The following RALGDS variants were observed in gnomAD, a reference collection of about 807,000 sequenced individuals.
RALGDS encodes the protein ral guanine nucleotide dissociation stimulator, also known as ral guanine nucleotide exchange factor.
A neutral mutation model predicts 99.8 loss-of-function variants in RALGDS; 44 were observed. The observed-to-expected ratio is 0.44, with a 90% CI of 0.35 to 0.57. The LOEUF (loss-of-function observed/expected upper bound fraction) is 0.57, where lower values mean the gene tolerates loss of function less well. Ranked by LOEUF, RALGDS falls within the 20% of genes least tolerant of loss-of-function variation. RALGDS has a pLI of 0.01. For synonymous variants in RALGDS, 529 were observed against 505.0 expected (o/e 1.05, Z -0.64); for missense variants, 1,022 against 1,203.1 (o/e 0.85, Z 2.23).
At chr9:133,147,869 C>A (rs936517099) in intron 1 of RALGDS, among the ~76,000 whole-genome samples, 2 of 152,222 alleles carry the variant, frequency 1.3e-5, no homozygotes, top group Admixed American at 1.3e-4. Context: ...TTGCTCCCCT[C>A]TTTCCCTCTG....
rs1408634248 is a variant in RALGDS at position 133,143,494 on chromosome 9, C to T, written c.18+5469G>A. ...CTCTTGCTGGATGCAGTGTCTCAAGCCTTTAATCCTAGCAGTTTGGGAGGC... is the reference window on the plus strand; with the variant it reads ...CTCTTGCTGGATGCAGTGTCTCAAGTCTTTAATCCTAGCAGTTTGGGAGGC... On this transcript the variant is annotated intron_variant, in intron 1 of 17. Transcript: ENST00000393160. Among the ~76,000 whole-genome samples, 3 of 152,228 alleles carry T rather than the reference C, an allele frequency of 2.0e-5. No individual in the cohort carries two copies. In the East Asian group the frequency reaches 5.8e-4, roughly 29 times the overall value.
intron 1 of RALGDS, chr9:133,129,200 C>T (rs111548200): frequency 4.4e-6 from 7 of 1,596,964 alleles, no homozygotes; most frequent in African/African-American, 2.7e-5. Flanking sequence ...GAGAGCGGCA[C>T]GACGGGCGAC....
chr9:133,107,426 C>T lies in RALGDS; in HGVS notation c.1198-126G>A, dbSNP rs552460682. 1.0e-3 allele frequency: 918 copies of T among 882,620 alleles called. 6 individuals are homozygous for T. Among genetic ancestry groups the T allele is most frequent in the South Asian group, 6.4e-3 (445 of 70,058 alleles). The allele number at this position is 882,620 out of a possible 1,614,324, so 54.7% of individuals were successfully genotyped here. ...TTTATCCCGTGTCCATGCAGGGTGC[C>T]CAGCACACAAGTGACCCGGGACAGA... On this transcript the variant is annotated intron_variant, in intron 6 of 17. Coordinates refer to ENST00000372050, the MANE Select transcript of RALGDS (RefSeq NM_006266.4).
intron 3 of RALGDS, 51 bp downstream of exon 3, chr9:133,110,245 G>T: frequency 6.5e-7 from 1 of 1,546,964 alleles, no homozygotes; most frequent in Non-Finnish European, 8.9e-7. Context: ...CCAGGTGGGG[G>T]TGGGGGCGAG....
chr9:133,117,389 G>C (rs138785791), intron 1 of RALGDS, among the ~76,000 whole-genome samples: 12 of 152,098 alleles, frequency 7.9e-5, no homozygotes, highest in Non-Finnish European at 1.3e-4. Context: ...CCTGCCCCTC[G>C]GTTGAGATGG....
At chr9:133,135,697 G>T (rs1832414769), upstream of RALGDS, among the ~76,000 whole-genome samples, 1 of 152,186 alleles carries the variant, frequency 6.6e-6, no homozygotes, top group African/African-American at 2.4e-5. Context: ...AGCCAGGCAG[G>T]TTCCTTTCCC....
At chr9:133,129,190 G>T (rs1164073629) in intron 1 of RALGDS, 1 of 1,597,226 alleles carries the variant, frequency 6.3e-7, no homozygotes, top group African/African-American at 1.3e-5. Flanking sequence ...TCGGGCTTTG[G>T]AGAGCGGCAC....
chr9:133,148,452 C>T (rs1012254027), intron 1 of RALGDS, among the ~76,000 whole-genome samples: 1 of 152,004 alleles, frequency 6.6e-6, no homozygotes, highest in Admixed American at 6.5e-5. Context: ...GTACTGGATG[C>T]CCCTGCCCGT....
At chr9:133,107,906 G>A (rs981411022) in intron 6 of RALGDS, 82 bp downstream of exon 6, 2 of 1,538,822 alleles carry the variant, frequency 1.3e-6, no homozygotes, top group Non-Finnish European at 8.9e-7. Context: ...CATCAGCTCT[G>A]GATCAGCAAA....
upstream of RALGDS, among the ~76,000 whole-genome samples, chr9:133,124,195 CAGAGACACAT>C (rs1453130359): frequency 6.7e-6 from 1 of 149,622 alleles, no homozygotes; most frequent in African/African-American, 2.5e-5. Flanking sequence ...CACAGACCCA[CAGAGACACAT>C]AGAGACAGAG....
upstream of RALGDS, among the ~76,000 whole-genome samples, chr9:133,135,981 C>G (rs567956155): frequency 6.6e-6 from 1 of 152,296 alleles, no homozygotes; most frequent in East Asian, 1.9e-4. Context: ...CATTTCTCTA[C>G]TGAAGGAGAT....
chr9:133,145,520 GTGGCAGCAGTGC>G (rs752051910), intron 1 of RALGDS, among the ~76,000 whole-genome samples: 17 of 152,204 alleles, frequency 1.1e-4, no homozygotes, highest in Non-Finnish European at 2.4e-4. Flanking sequence ...TAAAAATCAA[GTGGCAGCAGTGC>G]TGGGGGTTAA....
chr9:133,129,298 C>T (rs977463807), intron 1 of RALGDS: 1 of 1,590,892 alleles, frequency 6.3e-7, no homozygotes, highest in South Asian at 1.1e-5. Context: ...TGGCACAAAC[C>T]TGGCCTGCTT....
intron 1 of RALGDS, among the ~76,000 whole-genome samples, chr9:133,114,507 C>T (rs955043340): frequency 6.6e-6 from 1 of 152,186 alleles, no homozygotes; most frequent in Non-Finnish European, 1.5e-5. Context: ...GCCCCAGAAC[C>T]CTCTGCAGCA....
intron 1 of RALGDS, among the ~76,000 whole-genome samples, chr9:133,136,316 G>A (rs942338277): frequency 5.3e-5 from 8 of 152,228 alleles, no homozygotes; most frequent in East Asian, 1.9e-4. Context: ...GGGGCAGCGC[G>A]GGTATGGATG....
intron 1 of RALGDS, among the ~76,000 whole-genome samples, chr9:133,139,426 G>A (rs572989974): frequency 4.5e-4 from 69 of 152,244 alleles, no homozygotes; most frequent in Middle Eastern, 6.8e-3. Context: ...AGGCGGTGCC[G>A]CCAGCTGAGA....
chr9:133,131,207 A>G (rs561029462), upstream of RALGDS: 57 of 1,155,502 alleles, frequency 4.9e-5, no homozygotes, highest in Non-Finnish European at 5.7e-5. Flanking sequence ...GACCCAGCTG[A>G]GCAGACAGTT....
intron 1 of RALGDS, among the ~76,000 whole-genome samples, chr9:133,116,381 A>G (rs1014411512): frequency 1.3e-5 from 2 of 152,230 alleles, no homozygotes; most frequent in Non-Finnish European, 2.9e-5. Flanking sequence ...GGAACCAACC[A>G]GTGCTGAGCC....
At chr9:133,100,166 A>G in intron 17 of RALGDS, 102 bp downstream of exon 17, 1 of 1,067,198 alleles carries the variant, frequency 9.4e-7, no homozygotes. Flanking sequence ...GTCTACCCAC[A>G]CTCTGCTGGT....
Sources: allele counts gnomAD v4.1 joint callset (sites outside exome capture counted in the v4.1 genomes callset), GRCh38; gene constraint gnomAD v4.1.1; transcripts MANE v1.5; gene names NCBI Gene and HGNC (gene_info 2026-07-23, HGNC 2026-07-21).